The following MGAT5 variants were observed in gnomAD, a reference collection of about 807,000 sequenced individuals.
The protein encoded by MGAT5 is alpha-1,6-mannosylglycoprotein 6-beta-N-acetylglucosaminyltransferase.
MGAT5 carries 30 observed loss-of-function variants against 94.3 expected under a neutral mutation model. The ratio of observed to expected loss-of-function variants is 0.32; its 90% CI spans 0.24 to 0.43. The LOEUF (loss-of-function observed/expected upper bound fraction) is 0.43. Among genes scored for constraint, MGAT5 ranks in the 20% least tolerant of loss-of-function variants. MGAT5 has a pLI of 1.00. For missense variants in MGAT5, 691 were observed against 905.5 expected (o/e 0.76, Z 3.04); for synonymous variants, 310 against 322.9 (o/e 0.96, Z 0.43).
chr2:134,423,427 G>A (rs907336138), intron 13 of MGAT5, among the ~76,000 whole-genome samples: 4 of 152,334 alleles, frequency 2.6e-5, no homozygotes, highest in Admixed American at 6.5e-5. Context: ...TACACAGAGT[G>A]CTCTCTGAGT....
At chr2:134,120,157 G>C (rs1169799978), upstream of MGAT5, 2 of 157,830 alleles carry the variant, frequency 1.3e-5, no homozygotes, top group African/African-American at 4.8e-5. Context: ...TGCGGCTCCC[G>C]CGGCGGCGGC....
At chr2:134,255,190 A>G (rs1682859308) in intron 1 of MGAT5, among the ~76,000 whole-genome samples, 1 of 152,062 alleles carries the variant, frequency 6.6e-6, no homozygotes, top group Non-Finnish European at 1.5e-5. Flanking sequence ...CCTTGTCTCT[A>G]ACTGCCCTCA....
At chr2:134,151,250 CCGCCCA>C (rs1687156981) in intron 1 of MGAT5, among the ~76,000 whole-genome samples, 1 of 144,196 alleles carries the variant, frequency 6.9e-6, no homozygotes. Flanking sequence ...CCTATGGGAG[CCGCCCA>C]CTGCCATGGG....
At chr2:134,383,844 T>C (rs754106380) in intron 10 of MGAT5, among the ~76,000 whole-genome samples, 4 of 152,066 alleles carry the variant, frequency 2.6e-5, no homozygotes, top group Non-Finnish European at 5.9e-5. Context: ...CATGCCCGGC[T>C]AATTTTTTGT....
At chr2:134,130,204 CCCGCCCCACACCGCCCCACA>C (rs572491610) in intron 1 of MGAT5, among the ~76,000 whole-genome samples, 654 of 60,396 alleles carry the variant, frequency 0.011, 7 homozygotes, top group South Asian at 0.014. Flanking sequence ...TGGAGCCCGC[CCCGCCCCACACCGCCCCACA>C]CCGCCCCACA....
chr2:134,236,081 C>A (rs1681624106), intron 1 of MGAT5, among the ~76,000 whole-genome samples: 1 of 152,114 alleles, frequency 6.6e-6, no homozygotes, highest in Non-Finnish European at 1.5e-5. Flanking sequence ...CCACCTATTT[C>A]TGCTGCTTAA....
intron 1 of MGAT5, among the ~76,000 whole-genome samples, chr2:134,189,602 G>GTTTTGTT (rs1553490380): frequency 9.5e-5 from 8 of 84,646 alleles, no homozygotes; most frequent in African/African-American, 3.8e-4. Context: ...GTTTTTTTTT[G>GTTTTGTT]TTTTTTTTTT....
intron 14 of MGAT5, among the ~76,000 whole-genome samples, chr2:134,437,137 C>T (rs565639715): frequency 8.7e-4 from 132 of 152,192 alleles, no homozygotes; most frequent in African/African-American, 2.9e-3. Flanking sequence ...TACAGGCGCG[C>T]GCCACCATGC....
At chr2:134,172,608 G>A (rs143057376) in intron 1 of MGAT5, among the ~76,000 whole-genome samples, 23 of 152,184 alleles carry the variant, frequency 1.5e-4, no homozygotes, top group East Asian at 1.9e-4. Flanking sequence ...GGATGGTCTC[G>A]ATCTCCTGAC....
At chr2:134,227,798 C>T (rs955773475) in intron 1 of MGAT5, among the ~76,000 whole-genome samples, 4 of 151,948 alleles carry the variant, frequency 2.6e-5, no homozygotes, top group Admixed American at 1.3e-4. Flanking sequence ...TTCTTCAGAC[C>T]GTTCATGAGC....
intron 3 of MGAT5, among the ~76,000 whole-genome samples, chr2:134,318,418 C>T (rs1394630949): frequency 6.6e-6 from 1 of 152,192 alleles, no homozygotes; most frequent in African/African-American, 2.4e-5. Context: ...ACTCTCCACT[C>T]TAAGCGCTTC....
intron 10 of MGAT5, among the ~76,000 whole-genome samples, chr2:134,396,757 G>A (rs532394463): frequency 1.3e-5 from 2 of 152,302 alleles, no homozygotes; most frequent in Admixed American, 6.5e-5. Flanking sequence ...CTCGCCCTGT[G>A]CCAGGCCTCT....
intron 1 of MGAT5, among the ~76,000 whole-genome samples, chr2:134,150,218 C>T (rs1245973138): frequency 6.6e-6 from 1 of 152,150 alleles, no homozygotes; most frequent in Non-Finnish European, 1.5e-5. Context: ...CCCTGGCCTC[C>T]TAGCGTCTTG....
intron 5 of MGAT5, among the ~76,000 whole-genome samples, chr2:134,337,441 A>G (rs995161250): frequency 1.3e-5 from 2 of 152,156 alleles, no homozygotes; most frequent in Non-Finnish European, 2.9e-5. Flanking sequence ...ATGCCACTGC[A>G]TTCCAGTCTG....
intron 9 of MGAT5, 140 bp from the exon 10 acceptor site, chr2:134,362,135 C>T: frequency 1.0e-6 from 1 of 956,564 alleles, no homozygotes; most frequent in South Asian, 1.6e-5. Context: ...CAATCCCTCA[C>T]CTCCCTCAGG....
chr2:134,406,884 C>A (rs1193378141), intron 11 of MGAT5, among the ~76,000 whole-genome samples: 1 of 152,098 alleles, frequency 6.6e-6, no homozygotes, highest in Non-Finnish European at 1.5e-5. Context: ...GAGGGAGACC[C>A]TGTCTTTAAA....
intron 1 of MGAT5, among the ~76,000 whole-genome samples, chr2:134,127,495 T>C (rs370395967): frequency 0.013 from 1,490 of 114,518 alleles, 34 homozygotes; most frequent in African/African-American, 0.045. Flanking sequence ...GGAAAAGGTT[T>C]CCCCCCCCCC....
chr2:134,259,427 G>A (rs1286918392), intron 1 of MGAT5, among the ~76,000 whole-genome samples: 2 of 152,162 alleles, frequency 1.3e-5, no homozygotes, highest in African/African-American at 2.4e-5. Context: ...GGACAAACCC[G>A]GTCCACTTGT....
At chr2:134,200,396 T>C (rs1241798803) in intron 1 of MGAT5, among the ~76,000 whole-genome samples, 1 of 152,204 alleles carries the variant, frequency 6.6e-6, no homozygotes, top group Non-Finnish European at 1.5e-5. Context: ...ATGTCTGCAG[T>C]GATGCTGCCT....
Sources: allele counts gnomAD v4.1 joint callset (sites outside exome capture counted in the v4.1 genomes callset), GRCh38; gene constraint gnomAD v4.1.1; transcripts MANE v1.5; gene names NCBI Gene and HGNC (gene_info 2026-07-23, HGNC 2026-07-21).